GRIN3B: variants seen among roughly 807,000 people sequenced by gnomAD.
The protein encoded by GRIN3B is glutamate receptor ionotropic, NMDA 3B.
A neutral mutation model predicts 66.0 loss-of-function variants in GRIN3B; 77 were observed. That is an observed-to-expected ratio of 1.17 (90% CI 0.97 to 1.41). The LOEUF (loss-of-function observed/expected upper bound fraction) is 1.41, where lower values mean the gene tolerates loss of function less well. Among genes scored for constraint, GRIN3B ranks in the 40% most tolerant of loss-of-function variants. The pLI is 0.00. For missense variants in GRIN3B, 1,787 were observed against 1,564.5 expected (o/e 1.14, Z -2.40); for synonymous variants, 823 against 749.7 (o/e 1.10, Z -1.60).
In GRIN3B at chr19:1,005,597, G is replaced by A. The variant is rs751167982; in HGVS notation, c.2052+44G>A. 4.3e-5 allele frequency: 63 copies of A among 1,473,068 alleles called. No homozygotes were observed. The highest frequency in any genetic ancestry group is 5.5e-5 in the Non-Finnish European group (60 of 1,099,028). 91.2% of individuals were successfully genotyped at this position (1,473,068 alleles called of 1,614,324 possible). A position where few individuals can be genotyped will look rare whatever the true frequency, so the allele number is the denominator to read the frequency against. On this transcript the variant is annotated intron_variant, in intron 3 of 8. Transcript: ENST00000234389. The surrounding 1 kb of genome is among the most constrained non-coding windows in gnomAD (Gnocchi z 5.2). ...CTGCGGGTGGCCTTGGGGGGCTAGC[G>A]GTGGCCCCGGGCTGGGCTGTGTGGG... is the stretch of plus-strand genomic sequence containing the variant.
In GRIN3B at chr19:1,008,249, C is replaced by A; in HGVS notation, c.2424C>A (p.Tyr808Ter). Residue 808 changes from tyrosine to a stop codon, truncating the protein, a stop_gained, in exon 6 of 9, where the codon TAC (tyrosine) becomes TAA (stop). Coordinates refer to ENST00000234389, the MANE Select transcript of GRIN3B (RefSeq NM_138690.3). LOFTEE classifies it high-confidence loss of function. ...GFIDLLHDKW[Y>*]KMVPCGKRVF... The stretch of plus-strand genomic sequence containing the variant: ...TCGACCTGCTCCACGACAAGTGGTA[C>A]AAGATGGTGCCTTGCGGCAAGCGGG... The A allele has an allele frequency of 6.3e-7, 1 of 1,595,024 alleles. No individual in the cohort carries two copies. Among genetic ancestry groups the A allele is most frequent in the Non-Finnish European group, 8.5e-7 (1 of 1,173,086 alleles).
chr19:1,009,179 CGAG>C lies in GRIN3B; in HGVS notation c.2711_2713del (p.Glu904del). On this transcript the variant is annotated inframe_deletion, in exon 9 of 9. Transcript: ENST00000234389. ...AGGCCGGTTCCGTCCCCAGCGGCCC[CGAG>C]GTGGAGCAGCAGCAGCAGCAGCAGG... The C allele has an allele frequency of 1.4e-6, 2 of 1,471,026 alleles. No homozygotes were observed. The highest frequency in any genetic ancestry group is 1.8e-6 in the Non-Finnish European group (2 of 1,122,618). 91.1% of individuals were successfully genotyped at this position (1,471,026 alleles called of 1,614,324 possible). A position where few individuals can be genotyped will look rare whatever the true frequency, so the allele number is the denominator to read the frequency against.
In GRIN3B at chr19:1,004,777, C is replaced by G; in HGVS notation, c.1276C>G (p.Pro426Ala). ...GCGTGTGGTAACGCTGTTGGAACACCCATTTGTGTTTGCCCGTGATCCAGA... is the reference window on the plus strand; with the variant it reads ...GCGTGTGGTAACGCTGTTGGAACACGCATTTGTGTTTGCCCGTGATCCAGA... ...KLRVVTLLEH[P>A]FVFARDPDED... Residue 426 changes from proline to alanine, a missense_variant, in exon 3 of 9, where the codon CCA becomes GCA. Pro to Ala is a conservative substitution (Grantham distance 27). Transcript: ENST00000234389. The G allele has an allele frequency of 6.2e-7, 1 of 1,612,772 alleles. No individual in the cohort carries two copies. Among genetic ancestry groups the G allele is most frequent in the Non-Finnish European group, 8.5e-7 (1 of 1,179,528 alleles).
chr19:1,008,081 G>A, intron 5 of GRIN3B, 59 bp from the exon 6 acceptor site: 4 of 1,565,244 alleles, frequency 2.6e-6, no homozygotes, highest in Middle Eastern at 1.7e-4. Flanking sequence ...CCACGTGTGC[G>A]GGCAGAGTTC....
In GRIN3B at chr19:1,004,639, G is replaced by A. The variant is rs373298742; in HGVS notation, c.1138G>A (p.Ala380Thr). The A allele has an allele frequency of 3.4e-5, 55 of 1,600,894 alleles. No individual in the cohort carries two copies. Among genetic ancestry groups the A allele is most frequent in the Admixed American group, 8.6e-5 (5 of 58,268 alleles). ...GAGCCTTCGCCGGGACCCACGGGGC[G>A]CCCCGGCCTGGGCCACGGTGGGCAG... ...VWSLRRDPRG[A>T]PAWATVGSWR... is the part of the protein sequence containing the mutation. The change falls in exon 3 of 9, where the codon GCC (alanine) becomes ACC (threonine). Residue 380 changes from alanine to threonine, a missense_variant. Physicochemically the swap from Ala to Thr is moderately conservative, Grantham distance 58 (BLOSUM62 0). Coordinates refer to ENST00000234389, the MANE Select transcript of GRIN3B (RefSeq NM_138690.3).
chr19:1,004,448 CGTGCTGGG>C, intron 2 of GRIN3B, 65 bp from the exon 3 acceptor site: 1 of 1,322,082 alleles, frequency 7.6e-7, no homozygotes, highest in African/African-American at 1.5e-5. Context: ...GAATCGGGCA[CGTGCTGGG>C]CAGGGGTGAG....
At chr19:1,003,007 G>A in intron 1 of GRIN3B, 123 bp from the exon 2 acceptor site, 1 of 606,198 alleles carries the variant, frequency 1.6e-6, no homozygotes, top group South Asian at 2.4e-5. Flanking sequence ...GGGGCTGGGG[G>A]GAGGTGGAGG....
Position 1,005,067 on chromosome 19 carries a change from C to A in GRIN3B, c.1566C>A (p.Ala522=), listed in dbSNP as rs141558101. The A allele has an allele frequency of 6.2e-7, 1 of 1,611,362 alleles. No individual in the cohort carries two copies. Among genetic ancestry groups the A allele is most frequent in the East Asian group, 2.2e-5 (1 of 44,832 alleles). The change falls in exon 3 of 9, where the codon GCC becomes GCA. Residue 522 remains alanine (A), a synonymous_variant. Coordinates refer to ENST00000234389, the MANE Select transcript of GRIN3B (RefSeq NM_138690.3). The surrounding 1 kb of genome is among the most constrained non-coding windows in gnomAD (Gnocchi z 5.2). ...RWTGLVGDLL[A]GRAHMAVTSF... ...CCGGCCTGGTCGGGGACCTGCTGGCCGGCCGGGCCCACATGGCGGTCACCA... is the reference window on the plus strand; with the variant it reads ...CCGGCCTGGTCGGGGACCTGCTGGCAGGCCGGGCCCACATGGCGGTCACCA...
In GRIN3B at chr19:1,000,731, G is replaced by C; in HGVS notation, c.294G>C (p.Pro98=). The change falls in exon 1 of 9, where the codon CCG becomes CCC. Residue 98 remains proline (P), a synonymous_variant. Coordinates refer to ENST00000234389, the MANE Select transcript of GRIN3B (RefSeq NM_138690.3). The part of the protein sequence containing the change: ...TRGLCQALVP[P]GVAALLAFPE... ...GCCTGTGCCAGGCGCTGGTGCCTCC[G>C]GGCGTGGCGGCCCTGCTCGCCTTTC... 7.0e-7 allele frequency: 1 copy of C among 1,431,928 alleles called. No individual in the cohort carries two copies. The highest frequency in any genetic ancestry group is 3.1e-5 in the East Asian group (1 of 32,536). 88.7% of individuals were successfully genotyped at this position (1,431,928 alleles called of 1,614,324 possible).
At chr19:1,002,128 A>C (rs2038689690) in intron 1 of GRIN3B, 1 of 152,292 alleles carries the variant, frequency 6.6e-6, no homozygotes, top group Non-Finnish European at 1.5e-5. Flanking sequence ...CAGGAGTTTG[A>C]GACCAGCCTG....
In GRIN3B at chr19:1,000,862, C is replaced by T. The variant is rs1334049042; in HGVS notation, c.425C>T (p.Pro142Leu). ...RREARAPLGA[P>L]NPFHLQLHWA... is the part of the protein sequence containing the mutation. ...GAGGCGCGCGCGCCCCTCGGAGCCC[C>T]GGTACGCGGGACGCCCGGAGTCAGG... The change falls in exon 1 of 9, where the codon CCG (proline) becomes CTG (leucine). Residue 142 changes from proline to leucine, a missense_variant and splice_region_variant. By Grantham distance (98) the Pro-to-Leu change is moderately conservative. Coordinates refer to ENST00000234389, the MANE Select transcript of GRIN3B (RefSeq NM_138690.3). The T allele has an allele frequency of 5.0e-5, 71 of 1,410,054 alleles. No individual in the cohort carries two copies. The highest frequency in any genetic ancestry group is 6.3e-5 in the Non-Finnish European group (69 of 1,086,638). The allele number at this position is 1,410,054 out of a possible 1,614,324, so 87.3% of individuals were successfully genotyped here.
At position 1,009,194 on chromosome 19, in the gene GRIN3B, GCA is replaced by G; in HGVS notation, c.2725_2726del (p.Gln909AlafsTer86). The G allele has an allele frequency of 6.8e-7, 1 of 1,475,686 alleles. No homozygotes were observed. Among genetic ancestry groups the G allele is most frequent in the African/African-American group, 1.5e-5 (1 of 68,448 alleles). The allele number at this position is 1,475,686 out of a possible 1,614,324, so 91.4% of individuals were successfully genotyped here. A position where few individuals can be genotyped will look rare whatever the true frequency, so the allele number is the denominator to read the frequency against. On this transcript the variant is annotated frameshift_variant, in exon 9 of 9. Coordinates refer to ENST00000234389, the MANE Select transcript of GRIN3B (RefSeq NM_138690.3). LOFTEE classifies it low-confidence loss of function (END_TRUNC). ...EPSGPEVEQQ[Q>X]QQQDQPTAPE... ...CCAGCGGCCCCGAGGTGGAGCAGCAGCAGCAGCAGCAGGACCAGCCAACGGCT... is the reference window on the plus strand; with the variant it reads ...CCAGCGGCCCCGAGGTGGAGCAGCAGGCAGCAGCAGGACCAGCCAACGGCT...
At chr19:1,008,828 T>C (rs2038797438) in intron 7 of GRIN3B, 29 bp from the exon 8 acceptor site, 1 of 1,460,046 alleles carries the variant, frequency 6.8e-7, no homozygotes, top group Non-Finnish European at 9.4e-7. Flanking sequence ...CCCCGCCTCC[T>C]CGCCAACCGG....
At chr19:1,006,148 C>T (rs538354439) in intron 3 of GRIN3B, among the ~76,000 whole-genome samples, 1 of 152,172 alleles carries the variant, frequency 6.6e-6, no homozygotes, top group African/African-American at 2.4e-5. Context: ...CCGCATCCAG[C>T]CTATTTTTCT....
chr19:1,000,427 A>G lies in GRIN3B; in HGVS notation c.-11A>G. On this transcript the variant is annotated 5_prime_UTR_variant, in exon 1 of 9. Coordinates refer to ENST00000234389, the MANE Select transcript of GRIN3B (RefSeq NM_138690.3). ...TTGCGCCCCGTGGCGAGCGACGCCG[A>G]CAACTTTGCGATGGAGTTTGTGCGG... The G allele has an allele frequency of 8.2e-7, 1 of 1,213,154 alleles. No homozygotes were observed. Among genetic ancestry groups the G allele is most frequent in the East Asian group, 3.3e-5 (1 of 30,056 alleles). The allele number at this position is 1,213,154 out of a possible 1,614,324, so 75.1% of individuals were successfully genotyped here. A position where few individuals can be genotyped will look rare whatever the true frequency, so the allele number is the denominator to read the frequency against.
At position 1,003,456 on chromosome 19, in the gene GRIN3B, C is replaced by T. The variant is rs537007261; in HGVS notation, c.753C>T (p.Ala251=). ...CCCGTGCCCGTCGGGTGCTGGAGGCCGTACCTCCCGGCCCCCACTGGCTGT... is the reference window on the plus strand; with the variant it reads ...CCCGTGCCCGTCGGGTGCTGGAGGCTGTACCTCCCGGCCCCCACTGGCTGT... ...DIARARRVLE[A]VPPGPHWLLG... is the part of the protein sequence containing the mutation. The change falls in exon 2 of 9, where the codon GCC becomes GCT. Residue 251 remains alanine, a synonymous_variant. Coordinates refer to ENST00000234389, the MANE Select transcript of GRIN3B (RefSeq NM_138690.3). 8.4e-6 allele frequency: 13 copies of T among 1,538,780 alleles called. No homozygotes were observed. Among genetic ancestry groups the T allele is most frequent in the East Asian group, 7.3e-5 (3 of 41,170 alleles).
Position 1,000,817 on chromosome 19 carries a change from TGCTCAG to T in GRIN3B, c.381_386del (p.Ser129_Leu130del). The T allele has an allele frequency of 6.9e-7, 1 of 1,439,046 alleles. No homozygotes were observed. Among genetic ancestry groups the T allele is most frequent in the Non-Finnish European group, 9.1e-7 (1 of 1,102,204 alleles). The allele number at this position is 1,439,046 out of a possible 1,614,324, so 89.1% of individuals were successfully genotyped here. On this transcript the variant is annotated inframe_deletion, in exon 1 of 9. Transcript: ENST00000234389. The stretch of plus-strand genomic sequence containing the variant: ...CTGGCGGCGGCCACCGAGACCCCCG[TGCTCAG>T]CCTGCTGCGGCGGGAGGCGCGCGCG...
Position 1,009,346 on chromosome 19 carries a change from G to GC in GRIN3B, c.2880dup (p.Val961ArgfsTer35). ...GAGGCGGAGGCTGCGCCGCGAGAGG[G>GC]CCCCGTCTGGCTGTGCTCCTACGGC... On this transcript the variant is annotated frameshift_variant, in exon 9 of 9. Coordinates refer to ENST00000234389, the MANE Select transcript of GRIN3B (RefSeq NM_138690.3). LOFTEE classifies it low-confidence loss of function (END_TRUNC). 7.2e-7 allele frequency: 1 copy of GC among 1,391,782 alleles called. No individual in the cohort carries two copies. The highest frequency in any genetic ancestry group is 9.2e-7 in the Non-Finnish European group (1 of 1,082,172). 86.2% of individuals were successfully genotyped at this position (1,391,782 alleles called of 1,614,324 possible). A position where few individuals can be genotyped will look rare whatever the true frequency, so the allele number is the denominator to read the frequency against.
rs559063896 is a variant in GRIN3B, at chr19:1,003,705, G to A, written c.1002G>A (p.Pro334=). The A allele has an allele frequency of 1.6e-5, 22 of 1,403,382 alleles. No individual in the cohort carries two copies. The highest frequency in any genetic ancestry group is 2.0e-4 in the Middle Eastern group (1 of 5,122). The allele number at this position is 1,403,382 out of a possible 1,614,324, so 86.9% of individuals were successfully genotyped here. A position where few individuals can be genotyped will look rare whatever the true frequency, so the allele number is the denominator to read the frequency against. Reference sequence around the variant, plus strand: ...TGCAGCCGGCCGGGCCCGAGTCCCCGGGGCGCTTCTTGGCACGGTGAGTGG... The same window carrying A: ...TGCAGCCGGCCGGGCCCGAGTCCCCAGGGCGCTTCTTGGCACGGTGAGTGG... ...GDLQPAGPES[P]GRFLARFLAN... The change falls in exon 2 of 9, where the codon CCG becomes CCA. Residue 334 remains proline (P), a synonymous_variant. Transcript: ENST00000234389.
Sources: gnomAD v4.1 joint callset for allele counts (sites outside exome capture counted in the v4.1 genomes callset) on GRCh38, gnomAD v4.1.1 for gene constraint, Gnocchi (gnomAD v3.1) non-coding constraint, MANE v1.5 for transcripts, NCBI Gene and HGNC (gene_info 2026-07-23, HGNC 2026-07-21) for gene names.